The following MDFIC variants were observed in gnomAD, a reference collection of about 807,000 sequenced individuals.
The protein encoded by MDFIC is MyoD family inhibitor domain containing.
In MDFIC, 17 loss-of-function variants were observed where a neutral mutation model predicts 23.2. That is an observed-to-expected ratio of 0.73 (90% CI 0.50 to 1.10). The LOEUF (loss-of-function observed/expected upper bound fraction) is 1.10. MDFIC is among the 50% of genes least tolerant of loss of function. The pLI, the probability that MDFIC is intolerant of heterozygous loss-of-function variation, is 0.00. For missense variants in MDFIC, 356 were observed against 316.6 expected (o/e 1.12, Z -0.95); for synonymous variants, 120 against 115.2 (o/e 1.04, Z -0.27).
chr7:114,956,754 T>C (rs1240898804), intron 3 of MDFIC, among the ~76,000 whole-genome samples: 10 of 152,178 alleles, frequency 6.6e-5, no homozygotes, highest in Admixed American at 6.5e-4. Context: ...TGAGCCCCCA[T>C]GTAATCCTGA....
At chr7:114,957,749 C>T (rs1310362573) in intron 3 of MDFIC, among the ~76,000 whole-genome samples, 4 of 152,120 alleles carry the variant, frequency 2.6e-5, no homozygotes, top group Non-Finnish European at 5.9e-5. Flanking sequence ...TTATTAGGGG[C>T]AGCTTTAAGC....
In MDFIC at chr7:115,019,276, G is replaced by A. The variant is rs1791856782; in HGVS notation, c.*3341G>A. ...GCATCTAACTAAAACAATACAGTAT[G>A]ACTTTATTTAGGAGAAGGCTTTTTA... On this transcript the variant is annotated 3_prime_UTR_variant, in exon 5 of 5. Coordinates refer to ENST00000393486, the MANE Select transcript of MDFIC (RefSeq NM_001166345.3). 6.6e-6 allele frequency: 1 copy of A among 151,996 alleles called. No homozygotes were observed. The highest frequency in any genetic ancestry group is 2.4e-5 in the African/African-American group (1 of 41,412). 9.4% of individuals were successfully genotyped at this position (151,996 alleles called of 1,614,324 possible). A position where few individuals can be genotyped will look rare whatever the true frequency, so the allele number is the denominator to read the frequency against.
rs930424957 is a variant in MDFIC, at chr7:115,018,588, T to C, written c.*2653T>C. 6.6e-6 allele frequency: 1 copy of C among 152,454 alleles called. No individual in the cohort carries two copies. Among genetic ancestry groups the C allele is most frequent in the African/African-American group, 2.4e-5 (1 of 41,444 alleles). The allele number at this position is 152,454 out of a possible 1,614,324, so 9.4% of individuals were successfully genotyped here. ...AGTTTCAATATATCTTATGATTTCT[T>C]AATGTAAAATGTTTTGTTGAAGTAT... On this transcript the variant is annotated 3_prime_UTR_variant, in exon 5 of 5. Coordinates refer to ENST00000393486, the MANE Select transcript of MDFIC (RefSeq NM_001166345.3).
chr7:114,964,097 G>A (rs1052338261), intron 3 of MDFIC, among the ~76,000 whole-genome samples: 4 of 151,940 alleles, frequency 2.6e-5, no homozygotes, highest in African/African-American at 9.7e-5. Flanking sequence ...ATTATTCATG[G>A]TTTTTGTCTA....
intron 3 of MDFIC, among the ~76,000 whole-genome samples, chr7:114,954,496 A>G (rs189726741): frequency 2.0e-5 from 3 of 152,352 alleles, no homozygotes; most frequent in East Asian, 3.9e-4. Flanking sequence ...GTGTTATGTA[A>G]TGGAAGGATT....
chr7:114,965,573 G>A (rs1793079211), intron 3 of MDFIC, among the ~76,000 whole-genome samples: 1 of 152,162 alleles, frequency 6.6e-6, no homozygotes, highest in African/African-American at 2.4e-5. Flanking sequence ...GAACACAGTT[G>A]ACATTTGAGA....
At chr7:114,927,394 T>C (rs1162688655) in intron 2 of MDFIC, among the ~76,000 whole-genome samples, 2 of 150,424 alleles carry the variant, frequency 1.3e-5, no homozygotes, top group Non-Finnish European at 3.0e-5. Flanking sequence ...AGTTCCAAAA[T>C]TTAAATTGTT....
At chr7:114,981,927 A>C (rs1793424035) in intron 4 of MDFIC, among the ~76,000 whole-genome samples, 1 of 152,256 alleles carries the variant, frequency 6.6e-6, no homozygotes, top group Non-Finnish European at 1.5e-5. Flanking sequence ...CAAAACAAAA[A>C]ATCCGTTGAA....
intron 3 of MDFIC, among the ~76,000 whole-genome samples, chr7:114,973,467 C>G (rs1055258718): frequency 6.6e-6 from 1 of 152,084 alleles, no homozygotes; most frequent in African/African-American, 2.4e-5. Context: ...AATTCCTGCT[C>G]TCATTCCTTT....
intron 4 of MDFIC, among the ~76,000 whole-genome samples, chr7:114,987,184 A>G (rs1793529734): frequency 6.6e-6 from 1 of 152,234 alleles, no homozygotes. Context: ...TATGGGTTTC[A>G]AACAACTACA....
At chr7:114,944,551 G>C (rs897079385) in intron 3 of MDFIC, among the ~76,000 whole-genome samples, 1 of 152,170 alleles carries the variant, frequency 6.6e-6, no homozygotes, top group African/African-American at 2.4e-5. Context: ...GATAGCATTT[G>C]AAAGTTTTGT....
intron 3 of MDFIC, among the ~76,000 whole-genome samples, chr7:114,944,216 G>A (rs1012975402): frequency 6.6e-6 from 1 of 152,132 alleles, no homozygotes; most frequent in African/African-American, 2.4e-5. Context: ...ATTCACTGAA[G>A]GAATGAAGAG....
intron 4 of MDFIC, among the ~76,000 whole-genome samples, chr7:114,989,679 T>A (rs1261509623): frequency 1.3e-5 from 2 of 152,206 alleles, no homozygotes; most frequent in Non-Finnish European, 2.9e-5. Context: ...ATTGTTAACC[T>A]CGATGGCTCT....
chr7:114,941,794 A>T (rs1792544656), intron 2 of MDFIC, among the ~76,000 whole-genome samples: 1 of 152,014 alleles, frequency 6.6e-6, no homozygotes, highest in Non-Finnish European at 1.5e-5. Flanking sequence ...CTTTTTCTTC[A>T]CGTTCTAGAG....
At chr7:114,974,899 A>T (rs1288707994) in intron 3 of MDFIC, among the ~76,000 whole-genome samples, 2 of 151,894 alleles carry the variant, frequency 1.3e-5, no homozygotes, top group East Asian at 3.9e-4. Context: ...AATTACAATC[A>T]TGCTGTATTG....
chr7:114,989,693 C>G (rs1198820514), intron 4 of MDFIC, among the ~76,000 whole-genome samples: 1 of 152,180 alleles, frequency 6.6e-6, no homozygotes, highest in African/African-American at 2.4e-5. Context: ...TGGCTCTGCT[C>G]TGTAAGGGTT....
intron 4 of MDFIC, among the ~76,000 whole-genome samples, chr7:114,997,715 T>C (rs1428766202): frequency 4.8e-5 from 7 of 145,550 alleles, no homozygotes; most frequent in Non-Finnish European, 1.0e-4. Flanking sequence ...GCCACTGCAC[T>C]CCAGGCTGGG....
intron 4 of MDFIC, among the ~76,000 whole-genome samples, chr7:114,990,918 C>T (rs567923378): frequency 5.9e-5 from 9 of 152,080 alleles, no homozygotes; most frequent in African/African-American, 1.2e-4. Context: ...CTTGAGGAAT[C>T]GCCACACTGT....
chr7:114,985,771 A>G (rs1793500636), intron 4 of MDFIC, among the ~76,000 whole-genome samples: 1 of 151,842 alleles, frequency 6.6e-6, no homozygotes, highest in Non-Finnish European at 1.5e-5. Flanking sequence ...AGAAGATACT[A>G]GATGAGTAGG....
Sources: allele counts gnomAD v4.1 joint callset (sites outside exome capture counted in the v4.1 genomes callset), GRCh38; gene constraint gnomAD v4.1.1; transcripts MANE v1.5; gene names NCBI Gene and HGNC (gene_info 2026-07-23, HGNC 2026-07-21).